Variants in FABP9 observed in about 807,000 individuals in gnomAD.
FABP9 encodes fatty acid-binding protein 9.
A neutral mutation model predicts 14.7 loss-of-function variants in FABP9; 11 were observed. The ratio of observed to expected loss-of-function variants is 0.75; its 90% CI spans 0.47 to 1.24. FABP9 has a LOEUF of 1.24. FABP9 is among the 50% of genes most tolerant of loss of function. FABP9 has a pLI of 0.00. For missense variants in FABP9, 171 were observed against 158.2 expected (o/e 1.08, Z -0.44); for synonymous variants, 54 against 50.6 (o/e 1.07, Z -0.29).
rs768081543 is a variant in FABP9, at chr8:81,459,284, T to C, written c.127A>G (p.Ile43Val). The C allele has an allele frequency of 1.0e-5, 16 of 1,571,782 alleles. No individual in the cohort carries two copies. Among genetic ancestry groups the C allele is most frequent in the Non-Finnish European group, 1.4e-5 (16 of 1,165,728 alleles). ...GTCATCATTTTCCCATCAACACTAATAGTTACTGTCGGTTTCACTAACCCT... is the reference window on the plus strand; with the variant it reads ...GTCATCATTTTCCCATCAACACTAACAGTTACTGTCGGTTTCACTAACCCT... ...MAGLVKPTVT[I>V]SVDGKMMTIR... Residue 43 changes from isoleucine to valine, a missense_variant, in exon 2 of 4, where the codon ATT becomes GTT. By Grantham distance (29) the Ile-to-Val change is conservative. Transcript: ENST00000379071.
Position 81,459,334 on chromosome 8 carries a change from A to G in FABP9, c.77T>C (p.Val26Ala). The change falls in exon 2 of 4, where the codon GTG becomes GCG. Residue 26 changes from valine to alanine, a missense_variant. By Grantham distance (64) the Val-to-Ala change is moderately conservative (BLOSUM62 0). Transcript: ENST00000379071. ...NFEDYMKELG[V>A]NFAARNMAGL... is the part of the protein sequence containing the mutation. ...TGCCATGTTCCGGGCTGCGAAATTC[A>G]CTCCTACAAGACAGAGATAGCCTTG... The G allele has an allele frequency of 2.6e-6, 4 of 1,521,530 alleles. No homozygotes were observed. The highest frequency in any genetic ancestry group is 3.5e-6 in the Non-Finnish European group (4 of 1,145,580). The allele number at this position is 1,521,530 out of a possible 1,614,324, so 94.3% of individuals were successfully genotyped here.
chr8:81,460,719 T>C (rs1474036204), intron 1 of FABP9, among the ~76,000 whole-genome samples: 1 of 152,212 alleles, frequency 6.6e-6, no homozygotes, highest in African/African-American at 2.4e-5. Context: ...TGGCTTTGTA[T>C]ACAGTTTACT....
intron 2 of FABP9, 127 bp from the exon 3 acceptor site, chr8:81,458,830 T>G: frequency 1.5e-6 from 1 of 687,770 alleles, no homozygotes; most frequent in Non-Finnish European, 2.4e-6. Flanking sequence ...GTTGTCATGA[T>G]GTAGTACTAT....
In FABP9 at chr8:81,459,285, A is replaced by G. The variant is rs1287404295; in HGVS notation, c.126T>C (p.Thr42=). 1 of 1,570,692 alleles carries G rather than the reference A, an allele frequency of 6.4e-7. No homozygotes were observed. The highest frequency in any genetic ancestry group is 8.6e-7 in the Non-Finnish European group (1 of 1,165,264). ...TCATCATTTTCCCATCAACACTAAT[A>G]GTTACTGTCGGTTTCACTAACCCTG... The part of the protein sequence containing the change: ...NMAGLVKPTV[T]ISVDGKMMTI... The change falls in exon 2 of 4, where the codon ACT becomes ACC. Residue 42 remains threonine, a synonymous_variant. Transcript: ENST00000379071.
rs765610910 is a variant in FABP9 at position 81,461,471 on chromosome 8, T to G, written c.53A>C (p.Glu18Ala). ...CTCACCCAGTTCTTTCATGTAATCCTCAAAGTTTTCACTGGAGACCAGCTT... is the reference window on the plus strand; with the variant it reads ...CTCACCCAGTTCTTTCATGTAATCCGCAAAGTTTTCACTGGAGACCAGCTT... ...TWKLVSSENF[E>A]DYMKELGVNF... Residue 18 changes from glutamate (E) to alanine (A), a missense_variant, in exon 1 of 4, where the codon GAG becomes GCG. By Grantham distance (107) the Glu-to-Ala change is moderately radical. Transcript: ENST00000379071. 1.2e-6 allele frequency: 2 copies of G among 1,613,400 alleles called. No homozygotes were observed. Among genetic ancestry groups the G allele is most frequent in the Admixed American group, 3.3e-5 (2 of 60,010 alleles).
intron 1 of FABP9, among the ~76,000 whole-genome samples, chr8:81,460,192 G>A (rs1488389960): frequency 2.0e-5 from 3 of 152,224 alleles, no homozygotes; most frequent in African/African-American, 7.2e-5. Context: ...TAGAGATGGG[G>A]TTTCACCATG....
rs779108071 is a variant in FABP9 at position 81,458,412 on chromosome 8, C to G, written c.370G>C (p.Val124Leu). ...MVVECKMNNI[V>L]STRIYEKV ...ACCTTTTCGTAGATTCTGGTGCTGA[C>G]AATATTATTCATTTTACATTCCTAA... Residue 124 changes from valine (V) to leucine (L), a missense_variant, in exon 4 of 4, where the codon GTC becomes CTC. By Grantham distance (32) the Val-to-Leu change is conservative. Transcript: ENST00000379071. 6.2e-7 allele frequency: 1 copy of G among 1,612,668 alleles called. No individual in the cohort carries two copies. Among genetic ancestry groups the G allele is most frequent in the South Asian group, 1.1e-5 (1 of 91,050 alleles).
Position 81,459,158 on chromosome 8 carries a change from T to A in FABP9, c.246+7A>T, listed in dbSNP as rs760370560. ...ATTGTTGAACACCAGGAAGAATTAG[T>A]TCTGACCTTTACTTTCCGGTTGTCT... On this transcript the variant is annotated splice_region_variant and intron_variant, in intron 2 of 3. Coordinates refer to ENST00000379071, the MANE Select transcript of FABP9 (RefSeq NM_001080526.2). 3 of 1,584,208 alleles carry A rather than the reference T, an allele frequency of 1.9e-6. No individual in the cohort carries two copies. In the Admixed American group the frequency reaches 5.7e-5, roughly 30 times the overall value.
chr8:81,458,360 T>G lies in FABP9; in HGVS notation c.*23A>C. ...TACCAGTTCCTTGTCAGTGAACAAG[T>G]TTTCATTGCTGTGGACCTTTCTTCA... On this transcript the variant is annotated 3_prime_UTR_variant, in exon 4 of 4. Transcript: ENST00000379071. 1 of 1,591,536 alleles carries G rather than the reference T, an allele frequency of 6.3e-7. No individual in the cohort carries two copies. The highest frequency in any genetic ancestry group is 8.6e-7 in the Non-Finnish European group (1 of 1,159,900).
intron 2 of FABP9, 143 bp downstream of exon 2, chr8:81,459,022 A>G: frequency 1.4e-6 from 1 of 706,854 alleles, no homozygotes; most frequent in Non-Finnish European, 2.3e-6. Flanking sequence ...AATAATTAGC[A>G]AAAGGATTAA....
In FABP9 at chr8:81,458,665, G is replaced by T. The variant is rs1377940618; in HGVS notation, c.285C>A (p.Val95=). The stretch of plus-strand genomic sequence containing the variant: ...TTGTCTCTTTGCCAAGCCATTTTTG[G>T]ACGTGAATCATTGAGCCATTCTCTA... ...ITLENGSMIH[V]QKWLGKETTI... is the part of the protein sequence containing the mutation. The change falls in exon 3 of 4, where the codon GTC becomes GTA. Residue 95 remains valine, a synonymous_variant. Transcript: ENST00000379071. 1.2e-6 allele frequency: 2 copies of T among 1,613,736 alleles called. No individual in the cohort carries two copies. The highest frequency in any genetic ancestry group is 1.7e-5 in the Admixed American group (1 of 59,994).
At chr8:81,461,381 G>T (rs62513549) in intron 1 of FABP9, 70 bp downstream of exon 1, 7 of 1,011,412 alleles carry the variant, frequency 6.9e-6, no homozygotes, top group South Asian at 2.5e-5. Flanking sequence ...GAAAATTCAT[G>T]GTAAAGTACA....
At chr8:81,461,227 A>G (rs1256924479) in intron 1 of FABP9, among the ~76,000 whole-genome samples, 1 of 152,206 alleles carries the variant, frequency 6.6e-6, no homozygotes, top group Non-Finnish European at 1.5e-5. Flanking sequence ...GCTTAAATAT[A>G]TGGATCATGA....
intron 2 of FABP9, among the ~76,000 whole-genome samples, 194 bp downstream of exon 2, chr8:81,458,970 TG>T (rs1563522289): frequency 6.6e-6 from 1 of 152,150 alleles, no homozygotes; most frequent in Non-Finnish European, 1.5e-5. Context: ...AAAAATGAAA[TG>T]AAAACAATTT....
chr8:81,461,577 G>A lies in FABP9; in HGVS notation c.-54C>T, dbSNP rs112555420. 2,486 of 1,316,720 alleles carry A rather than the reference G, an allele frequency of 1.9e-3. 43 individuals are homozygous for A. In the African/African-American group the frequency reaches 0.031, roughly 16 times the overall value. The allele number at this position is 1,316,720 out of a possible 1,614,324, so 81.6% of individuals were successfully genotyped here. ...CGTAATTGAAAACCAAAGAAATATA[G>A]GCATTACGGTGCTGCCAGTAGTTTA... On this transcript the variant is annotated 5_prime_UTR_variant, in exon 1 of 4. Coordinates refer to ENST00000379071, the MANE Select transcript of FABP9 (RefSeq NM_001080526.2).
intron 1 of FABP9, 125 bp from the exon 2 acceptor site, chr8:81,459,462 T>G: frequency 1.2e-6 from 1 of 849,934 alleles, no homozygotes; most frequent in South Asian, 2.3e-5. Flanking sequence ...TAACTTATTT[T>G]ATGTTTTCTG....
Position 81,458,441 on chromosome 8 carries a change from C to T in FABP9, c.349-8G>A, listed in dbSNP as rs75129444. The T allele has an allele frequency of 9.6e-3, 15,487 of 1,608,894 alleles. 112 individuals carry two copies. The highest frequency in any genetic ancestry group is 0.017 in the South Asian group (1,539 of 90,978). On this transcript the variant is annotated splice_region_variant and splice_polypyrimidine_tract_variant and intron_variant, in intron 3 of 3. Transcript: ENST00000379071. ...ATTATTCATTTTACATTCCTAAAAG[C>T]AAAGAGGAATCTATTAGAGCTGGTA...
Position 81,459,164 on chromosome 8 carries a change from C to T in FABP9, c.246+1G>A, listed in dbSNP as rs1179132076. 1 of 1,587,856 alleles carries T rather than the reference C, an allele frequency of 6.3e-7. No individual in the cohort carries two copies. Among genetic ancestry groups the T allele is most frequent in the Non-Finnish European group, 8.5e-7 (1 of 1,171,634 alleles). ...GAACACCAGGAAGAATTAGTTCTGA[C>T]CTTTACTTTCCGGTTGTCTGCTGTA... On this transcript the variant is annotated splice_donor_variant, in intron 2 of 3. Coordinates refer to ENST00000379071, the MANE Select transcript of FABP9 (RefSeq NM_001080526.2). LOFTEE classifies it high-confidence loss of function.
intron 1 of FABP9, 76 bp from the exon 2 acceptor site, chr8:81,459,413 G>A: frequency 7.5e-7 from 1 of 1,336,220 alleles, no homozygotes; most frequent in Non-Finnish European, 9.9e-7. Flanking sequence ...TTCAAAGAAT[G>A]CTTACTTTAC....
Sources: allele counts gnomAD v4.1 joint callset (sites outside exome capture counted in the v4.1 genomes callset), GRCh38; gene constraint gnomAD v4.1.1; transcripts MANE v1.5; gene names NCBI Gene and HGNC (gene_info 2026-07-23, HGNC 2026-07-21).